Variants in APTX observed in about 807,000 individuals in gnomAD.
The protein encoded by APTX is forkhead-associated domain histidine triad-like protein.
APTX carries 33 observed loss-of-function variants against 42.3 expected under a neutral mutation model. The ratio of observed to expected loss-of-function variants is 0.78; its 90% CI spans 0.59 to 1.04. APTX has a LOEUF of 1.04. Ranked by LOEUF, APTX falls within the 50% of genes least tolerant of loss-of-function variation. The pLI is 0.00. For synonymous variants in APTX, 130 were observed against 146.7 expected (o/e 0.89, Z 0.82); for missense variants, 421 against 415.1 (o/e 1.01, Z -0.12).
At chr9:32,981,679 A>G (rs1246740569) in intron 6 of APTX, among the ~76,000 whole-genome samples, 3 of 152,248 alleles carry the variant, frequency 2.0e-5, no homozygotes, top group African/African-American at 7.2e-5. Flanking sequence ...AGGAGCTTTC[A>G]ATAACCAAAG....
intron 3 of APTX, 33 bp downstream of exon 3, chr9:32,988,050 G>A (rs377603034): frequency 1.9e-5 from 30 of 1,604,076 alleles, no homozygotes; most frequent in African/African-American, 1.2e-4. Context: ...GAAAATCATC[G>A]AGTATAAAAT....
intron 1 of APTX, chr9:33,016,187 T>C (rs1837887903): frequency 6.6e-6 from 1 of 152,236 alleles, no homozygotes; most frequent in Admixed American, 6.5e-5. Flanking sequence ...TTTTCAGGTA[T>C]ATTCCCAACC....
At chr9:32,997,246 T>TA (rs1305381623) in intron 1 of APTX, 1 of 152,248 alleles carries the variant, frequency 6.6e-6, no homozygotes, top group Non-Finnish European at 1.5e-5. Flanking sequence ...CACGTACCTG[T>TA]AGTCCCTGCT....
chr9:33,009,836 C>CA (rs1387705988), intron 1 of APTX, among the ~76,000 whole-genome samples: 1 of 152,032 alleles, frequency 6.6e-6, no homozygotes, highest in African/African-American at 2.4e-5. Context: ...ATTCAAAACA[C>CA]AAACAAACCT....
intron 1 of APTX, among the ~76,000 whole-genome samples, chr9:33,007,261 G>A (rs10971301): frequency 6.6e-6 from 1 of 152,144 alleles, no homozygotes; most frequent in African/African-American, 2.4e-5. Flanking sequence ...GGAAGATAAG[G>A]AGGCCTGAGC....
chr9:32,991,522 G>T (rs935112313), intron 1 of APTX, among the ~76,000 whole-genome samples: 3 of 151,942 alleles, frequency 2.0e-5, no homozygotes, highest in African/African-American at 4.8e-5. Flanking sequence ...GGTGTCTCAG[G>T]CCTGTAATCC....
chr9:32,986,043 C>CAAAAAAAA lies in APTX; in HGVS notation c.484-21_484-14dup. Reference sequence around the variant, plus strand: ...GGCCCAGGGATTCCTAAAAAAAAAACAAAAAAAAAAACAAAAAAAAAAAAA... The same window carrying CAAAAAAAA: ...GGCCCAGGGATTCCTAAAAAAAAAACAAAAAAAAAAAAAAAAAAACAAAAAAAAAAAAA... On this transcript the variant is annotated splice_polypyrimidine_tract_variant and intron_variant, in intron 4 of 7. Coordinates refer to ENST00000379817, the MANE Select transcript of APTX (RefSeq NM_001195248.2). 1.9e-5 allele frequency: 19 copies of CAAAAAAAA among 985,210 alleles called. No individual in the cohort carries two copies. Among genetic ancestry groups the CAAAAAAAA allele is most frequent in the East Asian group, 8.7e-5 (3 of 34,482 alleles). 61.0% of individuals were successfully genotyped at this position (985,210 alleles called of 1,614,324 possible). A position where few individuals can be genotyped will look rare whatever the true frequency, so the allele number is the denominator to read the frequency against.
intron 1 of APTX, among the ~76,000 whole-genome samples, chr9:33,015,602 C>CT (rs1837843034): frequency 6.6e-6 from 1 of 152,176 alleles, no homozygotes; most frequent in Non-Finnish European, 1.5e-5. Flanking sequence ...CATGATCTGC[C>CT]TGCCTCAGTC....
upstream of APTX, among the ~76,000 whole-genome samples, chr9:33,002,388 C>T (rs1836711333): frequency 6.6e-6 from 1 of 152,182 alleles, no homozygotes; most frequent in Non-Finnish European, 1.5e-5. Flanking sequence ...AGCACAGACC[C>T]TGGCTAAGTC....
At chr9:32,984,958 G>T (rs909957944) in intron 5 of APTX, 101 bp from the exon 6 acceptor site, 1 of 1,154,292 alleles carries the variant, frequency 8.7e-7, no homozygotes, top group Non-Finnish European at 1.3e-6. Flanking sequence ...ACAGTCTTGT[G>T]CAAATGGTTT....
chr9:33,010,451 G>A (rs1837460349), intron 1 of APTX, among the ~76,000 whole-genome samples: 1 of 152,186 alleles, frequency 6.6e-6, no homozygotes. Context: ...CAGGCGTGGT[G>A]GCTCACACCT....
At chr9:32,976,512 T>C (rs184294042) in intron 6 of APTX, among the ~76,000 whole-genome samples, 2 of 152,324 alleles carry the variant, frequency 1.3e-5, no homozygotes, top group East Asian at 3.9e-4. Context: ...TCAACCTCCA[T>C]ATGAAAAGAC....
intron 1 of APTX, among the ~76,000 whole-genome samples, chr9:33,022,881 G>C (rs1185331209): frequency 6.6e-6 from 1 of 151,974 alleles, no homozygotes; most frequent in Non-Finnish European, 1.5e-5. Flanking sequence ...TTGCTCTGTC[G>C]TCCAGGCTGA....
chr9:33,001,417 G>A, intron 1 of APTX, 150 bp downstream of exon 1: 8 of 1,539,744 alleles, frequency 5.2e-6, no homozygotes, highest in Non-Finnish European at 7.0e-6. Context: ...GGTAGTAACA[G>A]GGGAGGACGG....
intron 1 of APTX, among the ~76,000 whole-genome samples, chr9:32,999,456 T>C (rs1835745561): frequency 6.6e-6 from 1 of 152,206 alleles, no homozygotes; most frequent in Admixed American, 6.5e-5. Flanking sequence ...CCTGGCCTTG[T>C]TTATACACGA....
rs34600530 is a variant in APTX, at chr9:32,974,572, G to GAA, written c.771-13_771-12dup. 9,056 of 1,326,036 alleles carry GAA rather than the reference G, an allele frequency of 6.8e-3. 1 individual carries two copies. Among genetic ancestry groups the GAA allele is most frequent in the East Asian group, 0.014 (516 of 37,924 alleles). 82.1% of individuals were successfully genotyped at this position (1,326,036 alleles called of 1,614,324 possible). ...TGAAGATGTACATGGCTAGTTGAAAGAAAAAAAAACTGAGCATTAAACTCT... is the reference window on the plus strand; with the variant it reads ...TGAAGATGTACATGGCTAGTTGAAAGAAAAAAAAAAACTGAGCATTAAACTCT... On this transcript the variant is annotated splice_polypyrimidine_tract_variant and intron_variant, in intron 6 of 7. Transcript: ENST00000379817.
intron 1 of APTX, among the ~76,000 whole-genome samples, chr9:33,023,512 G>A (rs1057181686): frequency 1.3e-5 from 2 of 152,132 alleles, no homozygotes; most frequent in Admixed American, 1.3e-4. Context: ...TGTGAGGCAC[G>A]GCGCCCGGCC....
At chr9:33,003,651 G>T (rs565653625), upstream of APTX, among the ~76,000 whole-genome samples, 1 of 151,994 alleles carries the variant, frequency 6.6e-6, no homozygotes, top group African/African-American at 2.4e-5. Context: ...ACTCCGTATC[G>T]ATTAAATAGC....
intron 1 of APTX, among the ~76,000 whole-genome samples, chr9:32,993,367 A>C (rs1310215856): frequency 6.6e-6 from 1 of 152,244 alleles, no homozygotes; most frequent in African/African-American, 2.4e-5. Context: ...TGGCAAGTGC[A>C]GAAGGATGGG....
Sources: gnomAD v4.1 joint callset for allele counts (sites outside exome capture counted in the v4.1 genomes callset) on GRCh38, gnomAD v4.1.1 for gene constraint, MANE v1.5 for transcripts, NCBI Gene and HGNC (gene_info 2026-07-23, HGNC 2026-07-21) for gene names.